The following DOCK3 variants were observed in gnomAD, a reference collection of about 807,000 sequenced individuals.
DOCK3 encodes the protein dedicator of cytokinesis 3.
A neutral mutation model predicts 265.6 loss-of-function variants in DOCK3; 60 were observed. The observed-to-expected ratio is 0.23, with a 90% confidence interval of 0.18 to 0.28. The LOEUF is 0.28. DOCK3 is among the 10% of genes least tolerant of loss of function. The pLI is 1.00. For synonymous variants in DOCK3, 881 were observed against 938.0 expected (o/e 0.94, Z 1.11); for missense variants, 1,981 against 2,594.3 (o/e 0.76, Z 5.14).
At chr3:51,272,672 C>A (rs1355869296) in intron 24 of DOCK3, among the ~76,000 whole-genome samples, 1 of 152,064 alleles carries the variant, frequency 6.6e-6, no homozygotes. Flanking sequence ...TTCCCTTTGA[C>A]TTAGCTCTGC....
chr3:51,002,923 A>T (rs1253323059), intron 5 of DOCK3, among the ~76,000 whole-genome samples: 1 of 152,228 alleles, frequency 6.6e-6, no homozygotes, highest in Non-Finnish European at 1.5e-5. Context: ...GGATAAATGT[A>T]TGTGATTAAT....
chr3:51,112,718 G>T (rs1009785103), intron 9 of DOCK3, among the ~76,000 whole-genome samples: 5 of 152,166 alleles, frequency 3.3e-5, no homozygotes, highest in African/African-American at 1.2e-4. Context: ...CCACAGGAGG[G>T]TATGCAAAAG....
At chr3:50,813,449 A>C (rs774136759) in intron 2 of DOCK3, among the ~76,000 whole-genome samples, 5 of 152,124 alleles carry the variant, frequency 3.3e-5, no homozygotes, top group Admixed American at 6.6e-5. Context: ...GGATTGCTTG[A>C]ACCCAGAAGT....
At chr3:51,336,936 A>T in intron 35 of DOCK3, 1 of 455,362 alleles carries the variant, frequency 2.2e-6, no homozygotes, top group Non-Finnish European at 4.4e-6. Flanking sequence ...CTGGGGAGAC[A>T]GATGCCTTCT....
chr3:51,069,974 G>A (rs938890672), intron 6 of DOCK3, among the ~76,000 whole-genome samples: 2 of 152,196 alleles, frequency 1.3e-5, no homozygotes, highest in African/African-American at 4.8e-5. Context: ...ACCTGGTGGT[G>A]TGCTCACTGA....
intron 1 of DOCK3, among the ~76,000 whole-genome samples, chr3:50,696,585 G>A (rs1043002097): frequency 2.0e-5 from 3 of 152,124 alleles, no homozygotes; most frequent in Non-Finnish European, 4.4e-5. Flanking sequence ...AGGTCACAGG[G>A]GACAGTAAGG....
chr3:50,749,796 A>G (rs1368582641), intron 1 of DOCK3, among the ~76,000 whole-genome samples: 1 of 152,212 alleles, frequency 6.6e-6, no homozygotes, highest in Non-Finnish European at 1.5e-5. Flanking sequence ...TTCTACAAAC[A>G]TCATTTCAGA....
At chr3:50,937,978 T>G (rs769303739) in intron 5 of DOCK3, among the ~76,000 whole-genome samples, 1 of 151,966 alleles carries the variant, frequency 6.6e-6, no homozygotes, top group Non-Finnish European at 1.5e-5. Context: ...TATATGAAAC[T>G]CACTTCAAAC....
intron 15 of DOCK3, among the ~76,000 whole-genome samples, chr3:51,226,025 T>G (rs1312646430): frequency 6.6e-6 from 1 of 152,212 alleles, no homozygotes; most frequent in Non-Finnish European, 1.5e-5. Context: ...ATTTATTCCC[T>G]CTAGTTCTAT....
rs995843275 is a variant in DOCK3, at chr3:51,227,375, T to C, written c.1470T>C (p.Ile490=). Residue 490 remains isoleucine (I), a synonymous_variant, in exon 16 of 53, where the codon ATT becomes ATC. Transcript: ENST00000266037. ...YHSNSPRWGE[I]IKLPIPIDRF... is the part of the protein sequence containing the mutation. ...GTAATAGTCCTCGCTGGGGAGAAAT[T>C]ATCAAATTGCCTATCCCCATTGACC... 8.1e-6 allele frequency: 13 copies of C among 1,613,912 alleles called. No individual in the cohort carries two copies. Among genetic ancestry groups the C allele is most frequent in the Non-Finnish European group, 1.0e-5 (12 of 1,179,860 alleles).
At chr3:50,719,681 G>C in intron 1 of DOCK3, 1 of 1,555,286 alleles carries the variant, frequency 6.4e-7, no homozygotes, top group East Asian at 2.2e-5. Context: ...CATTTGACAT[G>C]GACAAGATGC....
intron 32 of DOCK3, among the ~76,000 whole-genome samples, chr3:51,327,662 C>A (rs1032793133): frequency 1.3e-5 from 2 of 150,560 alleles, no homozygotes; most frequent in African/African-American, 2.4e-5. Flanking sequence ...TCCCCCATAT[C>A]CTTCCATCAC....
intron 2 of DOCK3, among the ~76,000 whole-genome samples, chr3:50,837,661 ACTT>A (rs1301773224): frequency 6.6e-6 from 1 of 152,038 alleles, no homozygotes; most frequent in Non-Finnish European, 1.5e-5. Context: ...GTGCGGGAAA[ACTT>A]CTCTCTTCTG....
At chr3:50,841,625 T>G (rs748623058) in intron 2 of DOCK3, 50 bp from the exon 3 acceptor site, 12 of 848,064 alleles carry the variant, frequency 1.4e-5, no homozygotes, top group Non-Finnish European at 1.9e-5. Flanking sequence ...ATTGTGTCTC[T>G]TATTGAACAT....
chr3:50,864,978 G>T (rs148867872), intron 3 of DOCK3, among the ~76,000 whole-genome samples: 1 of 151,510 alleles, frequency 6.6e-6, no homozygotes, highest in African/African-American at 2.4e-5. Flanking sequence ...TGTGAGGAGT[G>T]TCAGAGGTTT....
At chr3:51,222,880 A>G (rs1387373951) in intron 14 of DOCK3, among the ~76,000 whole-genome samples, 1 of 152,222 alleles carries the variant, frequency 6.6e-6, no homozygotes, top group Non-Finnish European at 1.5e-5. Flanking sequence ...ATATCTCTGT[A>G]TAGTCAACAC....
chr3:50,792,301 G>A (rs768999300), intron 2 of DOCK3, among the ~76,000 whole-genome samples: 1 of 152,120 alleles, frequency 6.6e-6, no homozygotes, highest in Non-Finnish European at 1.5e-5. Context: ...TTTGCACGTA[G>A]ATTTTGTATT....
In DOCK3 at chr3:50,815,317, A is replaced by C. The variant is rs929014057; in HGVS notation, c.122-26358A>C. Reference sequence around the variant, plus strand: ...GCATATTATGATTATATCTTGCATTACTTTTTGTTTTCTTTGGAATTAATA... The same window carrying C: ...GCATATTATGATTATATCTTGCATTCCTTTTTGTTTTCTTTGGAATTAATA... On this transcript the variant is annotated intron_variant, in intron 2 of 52. Transcript: ENST00000266037. 1.4e-4 allele frequency among the ~76,000 whole-genome samples: 21 copies of C among 152,060 alleles called. 1 individual carries two copies. The highest frequency in any genetic ancestry group is 4.6e-4 in the African/African-American group (19 of 41,374).
At chr3:51,175,630 TCTC>T (rs2086898623) in intron 12 of DOCK3, among the ~76,000 whole-genome samples, 2 of 152,130 alleles carry the variant, frequency 1.3e-5, no homozygotes, top group African/African-American at 2.4e-5. Flanking sequence ...GGGTAGGACT[TCTC>T]CTGCACTGCA....
Sources: gnomAD v4.1 joint callset for allele counts (sites outside exome capture counted in the v4.1 genomes callset) on GRCh38, gnomAD v4.1.1 for gene constraint, MANE v1.5 for transcripts, NCBI Gene and HGNC (gene_info 2026-07-23, HGNC 2026-07-21) for gene names.